Variants in MACF1 observed in about 807,000 individuals in gnomAD.
The protein encoded by MACF1 is microtubule actin crosslinking factor 1, also known as microtubule-actin cross-linking factor 1.
Under a neutral mutation model 854.8 loss-of-function variants are expected in MACF1, and 193 were observed. The observed-to-expected ratio is 0.23, with a 90% CI of 0.20 to 0.25. The LOEUF (loss-of-function observed/expected upper bound fraction) is 0.25, where lower values mean the gene tolerates loss of function less well. Ranked by LOEUF, MACF1 falls within the 10% of genes least tolerant of loss-of-function variation. The pLI is 1.00. For synonymous variants in MACF1, 3,185 were observed against 3,226.7 expected (o/e 0.99, Z 0.44); for missense variants, 7,722 against 8,929.1 (o/e 0.86, Z 5.45).
chr1:39,363,607 T>TCTTTC (rs60455140), intron 49 of MACF1, among the ~76,000 whole-genome samples: 2 of 138,192 alleles, frequency 1.4e-5, no homozygotes, highest in African/African-American at 5.3e-5. Flanking sequence ...TTTCTTTCTT[T>TCTTTC]TTTTTTTTTT....
Position 39,361,013 on chromosome 1 carries a change from G to A in MACF1, c.12453+12G>A. The A allele has an allele frequency of 6.2e-7, 1 of 1,610,772 alleles. No individual in the cohort carries two copies. The highest frequency in any genetic ancestry group is 8.5e-7 in the Non-Finnish European group (1 of 1,177,006). ...TAGCCACAAATATGGTAAGATCTGT[G>A]TCCCAAGAGCTAGCATAGAGGGTAT... On this transcript the variant is annotated intron_variant, in intron 48 of 100. Transcript: ENST00000564288.
intron 2 of MACF1, among the ~76,000 whole-genome samples, chr1:39,237,935 C>A (rs905589688): frequency 6.6e-6 from 1 of 151,912 alleles, no homozygotes; most frequent in Non-Finnish European, 1.5e-5. Flanking sequence ...ATAAAAAGCC[C>A]CACAAAACTT....
chr1:39,173,113 G>A (rs1469444155), intron 2 of MACF1, among the ~76,000 whole-genome samples: 3 of 152,098 alleles, frequency 2.0e-5, no homozygotes, highest in Non-Finnish European at 2.9e-5. Flanking sequence ...AGGCCGAAGC[G>A]GGTGGATCAC....
intron 60 of MACF1, among the ~76,000 whole-genome samples, 190 bp from the exon 61 acceptor site, chr1:39,423,838 G>A (rs1339659285): frequency 2.6e-5 from 4 of 151,864 alleles, no homozygotes; most frequent in African/African-American, 7.2e-5. Context: ...AAAAATTTAA[G>A]TGTGTGAAAA....
In MACF1 at chr1:39,310,231, C is replaced by T. The variant is rs371280902; in HGVS notation, c.2917-14C>T. 1.0e-5 allele frequency: 16 copies of T among 1,590,304 alleles called. No homozygotes were observed. The highest frequency in any genetic ancestry group is 1.3e-5 in the Non-Finnish European group (15 of 1,170,234). ...TTTATTCTGTTGCAATTTCTTCTGG[C>T]TTTTTCTTTCTAGCTTCGATCCTCA... On this transcript the variant is annotated splice_polypyrimidine_tract_variant and intron_variant, in intron 24 of 100. Transcript: ENST00000564288.
intron 2 of MACF1, among the ~76,000 whole-genome samples, chr1:39,232,742 CTTTGTTTTTT>C (rs1411237120): frequency 0.016 from 917 of 55,956 alleles, 7 homozygotes; most frequent in African/African-American, 0.042. Context: ...CTCATACTCT[CTTTGTTTTTT>C]TTTTTTTTTT....
intron 2 of MACF1, among the ~76,000 whole-genome samples, chr1:39,139,068 C>A (rs1168785117): frequency 2.0e-5 from 3 of 152,178 alleles, no homozygotes; most frequent in Non-Finnish European, 4.4e-5. Flanking sequence ...TTGAGTATTC[C>A]ATGTTAATGC....
intron 2 of MACF1, among the ~76,000 whole-genome samples, chr1:39,176,007 G>A (rs1363676366): frequency 6.7e-6 from 1 of 149,880 alleles, no homozygotes; most frequent in African/African-American, 2.4e-5. Flanking sequence ...CTACTCGGGA[G>A]GCTGAGGCAG....
At chr1:39,412,474 G>A (rs1160071238) in intron 58 of MACF1, 1 of 1,613,938 alleles carries the variant, frequency 6.2e-7, no homozygotes, top group Non-Finnish European at 8.5e-7. Flanking sequence ...TCAAGCTCCA[G>A]CACATTTCCA....
intron 56 of MACF1, 110 bp downstream of exon 56, chr1:39,382,262 G>A: frequency 9.5e-7 from 1 of 1,048,118 alleles, no homozygotes; most frequent in Non-Finnish European, 1.4e-6. Flanking sequence ...ATCTCTCAGA[G>A]TCTCAGTTTA....
chr1:39,326,613 G>A (rs1380235765), intron 35 of MACF1, among the ~76,000 whole-genome samples: 1 of 147,766 alleles, frequency 6.8e-6, no homozygotes, highest in African/African-American at 2.5e-5. Context: ...CCTGGGAAGT[G>A]GAGGTTGCAG....
chr1:39,148,561 G>A (rs1478801288), intron 2 of MACF1, among the ~76,000 whole-genome samples: 1 of 152,128 alleles, frequency 6.6e-6, no homozygotes, highest in Non-Finnish European at 1.5e-5. Context: ...GAAAAAAACA[G>A]TTTGTAACAT....
chr1:39,116,407 CGT>C (rs891910431), intron 2 of MACF1, among the ~76,000 whole-genome samples: 230 of 140,504 alleles, frequency 1.6e-3, no homozygotes, highest in African/African-American at 4.5e-3. Flanking sequence ...TGTGTGTGCA[CGT>C]GTGTGTGTGT....
chr1:39,473,975 TG>T (rs1644826555), intron 97 of MACF1, among the ~76,000 whole-genome samples: 1 of 152,194 alleles, frequency 6.6e-6, no homozygotes, highest in Admixed American at 6.5e-5. Context: ...ATAATTGGGC[TG>T]GGCATAGTGG....
intron 2 of MACF1, among the ~76,000 whole-genome samples, chr1:39,140,416 C>G (rs1418620166): frequency 6.6e-6 from 1 of 152,308 alleles, no homozygotes; most frequent in East Asian, 1.9e-4. Context: ...ATGCCTTATT[C>G]TTTGTCTCTG....
chr1:39,440,106 C>CTTTTTTTTTTTTTTTTTTTTTTTT (rs1251165556), intron 72 of MACF1, among the ~76,000 whole-genome samples: 1 of 68,300 alleles, frequency 1.5e-5, no homozygotes, highest in African/African-American at 6.5e-5. Context: ...CTTTTCTTTT[C>CTTTTTTTTTTTTTTTTTTTTTTTT]TTTTCTTTTT....
intron 1 of MACF1, among the ~76,000 whole-genome samples, chr1:39,223,486 C>T (rs536549395): frequency 6.6e-6 from 1 of 151,930 alleles, no homozygotes; most frequent in Non-Finnish European, 1.5e-5. Flanking sequence ...TGCTTAGCAC[C>T]TAAGTAGGTG....
At chr1:39,386,063 C>A in intron 57 of MACF1, 134 bp downstream of exon 57, 1 of 997,422 alleles carries the variant, frequency 1.0e-6, no homozygotes, top group Non-Finnish European at 1.4e-6. Context: ...AAACCAATTC[C>A]TTCTCCTAGT....
rs2148471708 is a variant in MACF1, at chr1:39,333,446, T to C, written c.6858T>C (p.Asn2286=). The change falls in exon 37 of 101, where the codon AAT becomes AAC. Residue 2286 remains asparagine (N), a synonymous_variant. Transcript: ENST00000564288. ...PLELLEEATL[N]VLSAQLLDGG... ...AATTGCTTGAAGAAGCTACCTTAAATGTATTATCTGCACAGTTACTAGATG... is the reference window on the plus strand; with the variant it reads ...AATTGCTTGAAGAAGCTACCTTAAACGTATTATCTGCACAGTTACTAGATG... 1 of 1,614,162 alleles carries C rather than the reference T, an allele frequency of 6.2e-7. No individual in the cohort carries two copies. The highest frequency in any genetic ancestry group is 8.5e-7 in the Non-Finnish European group (1 of 1,180,016).
Sources: allele counts gnomAD v4.1 joint callset (sites outside exome capture counted in the v4.1 genomes callset), GRCh38; gene constraint gnomAD v4.1.1; transcripts MANE v1.5; gene names NCBI Gene and HGNC (gene_info 2026-07-23, HGNC 2026-07-21).